ADAM18: variants seen among roughly 807,000 people sequenced by gnomAD.
ADAM18 encodes the protein disintegrin and metalloproteinase domain-containing protein 18.
ADAM18 carries 117 observed loss-of-function variants against 94.4 expected under a neutral mutation model. That is an observed-to-expected ratio of 1.24 (90% confidence interval 1.07 to 1.45). ADAM18 has a LOEUF of 1.45. Ranked by LOEUF, ADAM18 falls within the 40% of genes most tolerant of loss-of-function variation. The pLI is 0.00. For missense variants in ADAM18, 936 were observed against 880.0 expected, an observed-to-expected ratio of 1.06 and a Z score of -0.81; for synonymous variants, 327 against 291.6, an observed-to-expected ratio of 1.12 and a Z score of -1.24.
chr8:39,624,731 T>C (rs1004554802), intron 6 of ADAM18, among the ~76,000 whole-genome samples: 1 of 152,186 alleles, frequency 6.6e-6, no homozygotes, highest in African/African-American at 2.4e-5. Flanking sequence ...CTTAACACCA[T>C]CCTCCTAGTG....
At chr8:39,617,830 C>T (rs1265461202) in intron 6 of ADAM18, among the ~76,000 whole-genome samples, 1 of 149,632 alleles carries the variant, frequency 6.7e-6, no homozygotes, top group Non-Finnish European at 1.5e-5. Flanking sequence ...GACACTGGGC[C>T]TACTTGAGAA....
intron 12 of ADAM18, among the ~76,000 whole-genome samples, chr8:39,661,779 G>GCATGCAGC (rs1281599483): frequency 6.6e-6 from 1 of 151,922 alleles, no homozygotes; most frequent in Non-Finnish European, 1.5e-5. Flanking sequence ...CAAATAAGGT[G>GCATGCAGC]CATGCAGCCA....
At chr8:39,606,852 G>C (rs963024007) in intron 3 of ADAM18, among the ~76,000 whole-genome samples, 1 of 152,124 alleles carries the variant, frequency 6.6e-6, no homozygotes, top group Non-Finnish European at 1.5e-5. Context: ...AGTCAAAGGG[G>C]GTTGTTCTCT....
intron 17 of ADAM18, among the ~76,000 whole-genome samples, chr8:39,694,797 G>A (rs1311656648): frequency 6.6e-6 from 1 of 151,480 alleles, no homozygotes; most frequent in East Asian, 1.9e-4. Flanking sequence ...TTTACATTGA[G>A]TTTAATTCTT....
At chr8:39,591,663 G>A (rs1219777364) in intron 2 of ADAM18, among the ~76,000 whole-genome samples, 1 of 152,120 alleles carries the variant, frequency 6.6e-6, no homozygotes, top group African/African-American at 2.4e-5. Flanking sequence ...AGTCATTCAT[G>A]AGAGCTGTAA....
Position 39,706,866 on chromosome 8 carries a change from C to A in ADAM18, c.1979C>A (p.Pro660Gln). 1 of 1,609,378 alleles carries A rather than the reference C, an allele frequency of 6.2e-7. No individual in the cohort carries two copies. The highest frequency in any genetic ancestry group is 8.5e-7 in the Non-Finnish European group (1 of 1,176,834). Residue 660 changes from proline to glutamine, a missense_variant, in exon 18 of 20, where the codon CCA (proline) becomes CAA (glutamine). Transcript: ENST00000265707. ...PPDCKFQFGS[P>Q]GGSIDDGNFQ... ...GATTGTAAATTCCAGTTTGGTTCCC[C>A]AGGGGGTAGTATTGATGATGGAAAT...
At chr8:39,694,380 T>C (rs1415372640) in intron 17 of ADAM18, among the ~76,000 whole-genome samples, 1 of 151,520 alleles carries the variant, frequency 6.6e-6, no homozygotes, top group Non-Finnish European at 1.5e-5. Context: ...TACAAATATA[T>C]TTATTGATTT....
chr8:39,613,435 T>C (rs908798707), intron 6 of ADAM18, among the ~76,000 whole-genome samples: 1 of 151,986 alleles, frequency 6.6e-6, no homozygotes, highest in African/African-American at 2.4e-5. Flanking sequence ...CTTACAAACA[T>C]GGTCAAACTC....
chr8:39,592,523 A>C (rs1042828679), intron 2 of ADAM18, among the ~76,000 whole-genome samples: 17 of 152,198 alleles, frequency 1.1e-4, no homozygotes, highest in African/African-American at 4.1e-4. Flanking sequence ...AAAAGAATGA[A>C]ATCATGTCTG....
chr8:39,634,848 T>A (rs1820035235), intron 7 of ADAM18, among the ~76,000 whole-genome samples: 1 of 152,188 alleles, frequency 6.6e-6, no homozygotes, highest in Non-Finnish European at 1.5e-5. Context: ...CAAGTTAGGA[T>A]TTTTTAGGAC....
At chr8:39,704,666 G>A (rs1251832608) in intron 17 of ADAM18, among the ~76,000 whole-genome samples, 1 of 151,976 alleles carries the variant, frequency 6.6e-6, no homozygotes, top group East Asian at 1.9e-4. Context: ...CTATTTCTAT[G>A]CCCAGCTTAA....
chr8:39,648,429 C>T lies in ADAM18; in HGVS notation c.1132C>T (p.Gln378Ter), dbSNP rs920997855. ...FVSKFETKCL[Q>*]KLSNLQPLHQ... Reference sequence around the variant, plus strand: ...TTCAAAATTTGAGACTAAATGCCTTCAGAAGCTTTCAAATTTGCAACCATT... The same window carrying T: ...TTCAAAATTTGAGACTAAATGCCTTTAGAAGCTTTCAAATTTGCAACCATT... Residue 378 changes from glutamine to a stop codon, truncating the protein, a stop_gained, in exon 12 of 20, where the codon CAG becomes TAG. Coordinates refer to ENST00000265707, the MANE Select transcript of ADAM18 (RefSeq NM_014237.3). LOFTEE classifies it high-confidence loss of function. The T allele has an allele frequency of 1.9e-6, 3 of 1,612,766 alleles. No individual in the cohort carries two copies. Among genetic ancestry groups the T allele is most frequent in the Non-Finnish European group, 2.5e-6 (3 of 1,179,452 alleles).
chr8:39,641,532 T>A (rs1210540371), intron 10 of ADAM18, among the ~76,000 whole-genome samples: 1 of 151,980 alleles, frequency 6.6e-6, no homozygotes, highest in Non-Finnish European at 1.5e-5. Flanking sequence ...TTGTTCCATG[T>A]GTCTAGGTGT....
At chr8:39,728,485 G>A (rs537394796) in intron 19 of ADAM18, among the ~76,000 whole-genome samples, 4 of 152,140 alleles carry the variant, frequency 2.6e-5, no homozygotes, top group East Asian at 3.9e-4. Context: ...TTCTTTAATA[G>A]CAACACAATA....
Position 39,667,923 on chromosome 8 carries a change from G to A in ADAM18, c.1327-75G>A, listed in dbSNP as rs1821035351. ...ATATCAATAATTAGAAACATTTTAT[G>A]TGATAAATCTTTTCACTAAGCAATT... On this transcript the variant is annotated intron_variant, in intron 13 of 19. Transcript: ENST00000265707. The A allele has an allele frequency of 3.5e-6, 5 of 1,416,758 alleles. No homozygotes were observed. The South Asian group carries it at 4.9e-5, about 14-fold the overall frequency. 87.8% of individuals were successfully genotyped at this position (1,416,758 alleles called of 1,614,324 possible).
intron 6 of ADAM18, among the ~76,000 whole-genome samples, chr8:39,624,808 CTCTT>C (rs1819716888): frequency 1.3e-5 from 2 of 152,188 alleles, no homozygotes; most frequent in South Asian, 4.1e-4. Flanking sequence ...CCCCTGCTCT[CTCTT>C]TCTCCTGCTC....
At chr8:39,616,415 GA>G (rs1217702671) in intron 6 of ADAM18, among the ~76,000 whole-genome samples, 2 of 151,636 alleles carry the variant, frequency 1.3e-5, no homozygotes, top group Non-Finnish European at 2.9e-5. Context: ...TTCTCAAAAA[GA>G]AAAAAAATTG....
chr8:39,717,859 A>G (rs1822622796), intron 18 of ADAM18, among the ~76,000 whole-genome samples: 1 of 151,636 alleles, frequency 6.6e-6, no homozygotes, highest in African/African-American at 2.4e-5. Context: ...AGAAATCCCT[A>G]TGACCTAATA....
At chr8:39,662,994 T>G (rs1216075773) in intron 12 of ADAM18, among the ~76,000 whole-genome samples, 1 of 152,192 alleles carries the variant, frequency 6.6e-6, no homozygotes, top group Non-Finnish European at 1.5e-5. Flanking sequence ...TTTGTTGATT[T>G]CTATTATAGT....
Sources: gnomAD v4.1 joint callset for allele counts (sites outside exome capture counted in the v4.1 genomes callset) on GRCh38, gnomAD v4.1.1 for gene constraint, MANE v1.5 for transcripts, NCBI Gene and HGNC (gene_info 2026-07-23, HGNC 2026-07-21) for gene names.